TMEM178B: variants seen among roughly 807,000 people sequenced by gnomAD.
TMEM178B encodes the protein transmembrane protein 178B.
Under a neutral mutation model 31.0 loss-of-function variants are expected in TMEM178B, and 5 were observed. The observed-to-expected ratio is 0.16, with a 90% confidence interval of 0.08 to 0.34. The LOEUF is 0.34. TMEM178B is among the 10% of genes least tolerant of loss of function. The pLI, the probability that TMEM178B is intolerant of heterozygous loss-of-function variation, is 1.00. For synonymous variants in TMEM178B, 164 were observed against 164.0 expected (o/e 1.00, Z 0.00); for missense variants, 275 against 400.3 (o/e 0.69, Z 2.67).
chr7:141,426,162 A>G (rs1461407214), intron 2 of TMEM178B, among the ~76,000 whole-genome samples: 2 of 152,192 alleles, frequency 1.3e-5, no homozygotes, highest in Non-Finnish European at 2.9e-5. Context: ...TATTTAAGTC[A>G]CTGAAGTGGA....
At chr7:141,367,483 C>A (rs1041702726) in intron 2 of TMEM178B, among the ~76,000 whole-genome samples, 2 of 152,082 alleles carry the variant, frequency 1.3e-5, no homozygotes, top group Non-Finnish European at 2.9e-5. Context: ...CCCTGTTAGC[C>A]AGGCTGGTCT....
intron 1 of TMEM178B, among the ~76,000 whole-genome samples, chr7:141,160,466 C>G (rs1796151314): frequency 6.6e-6 from 1 of 152,152 alleles, no homozygotes; most frequent in African/African-American, 2.4e-5. Context: ...CCCCTCCTTC[C>G]CTCTGCCACA....
intron 2 of TMEM178B, among the ~76,000 whole-genome samples, chr7:141,414,050 A>G (rs918788785): frequency 6.7e-6 from 1 of 150,284 alleles, no homozygotes; most frequent in African/African-American, 2.4e-5. Context: ...TTTTTCCAAC[A>G]TTACTTAATT....
intron 2 of TMEM178B, among the ~76,000 whole-genome samples, chr7:141,340,435 A>T (rs1194470367): frequency 6.6e-6 from 1 of 152,152 alleles, no homozygotes; most frequent in African/African-American, 2.4e-5. Flanking sequence ...TAATCTATAA[A>T]TCTTGTTATT....
intron 1 of TMEM178B, among the ~76,000 whole-genome samples, chr7:141,127,928 G>A (rs975482382): frequency 6.6e-6 from 1 of 152,092 alleles, no homozygotes; most frequent in South Asian, 2.1e-4. Context: ...AGATTCTGTT[G>A]GCTGTGGGAT....
chr7:141,163,674 C>G (rs1358118692), intron 1 of TMEM178B, among the ~76,000 whole-genome samples: 2 of 151,950 alleles, frequency 1.3e-5, no homozygotes, highest in Admixed American at 1.3e-4. Flanking sequence ...GCCATCAAGC[C>G]TGGCTAATTT....
chr7:141,329,681 A>G (rs760716592), intron 2 of TMEM178B, among the ~76,000 whole-genome samples: 3 of 152,236 alleles, frequency 2.0e-5, no homozygotes, highest in Non-Finnish European at 4.4e-5. Context: ...TGTTGGGGGA[A>G]GAAAATCAAC....
intron 2 of TMEM178B, among the ~76,000 whole-genome samples, chr7:141,362,832 T>G (rs1035942265): frequency 6.6e-6 from 1 of 152,198 alleles, no homozygotes; most frequent in Non-Finnish European, 1.5e-5. Flanking sequence ...CCACCCGGGC[T>G]GTAGCCATTT....
intron 1 of TMEM178B, among the ~76,000 whole-genome samples, chr7:141,207,979 TAA>T (rs1327524480): frequency 6.6e-6 from 1 of 151,908 alleles, no homozygotes; most frequent in East Asian, 1.9e-4. Context: ...CGCTTGAGCC[TAA>T]GAGTTTGAGA....
chr7:141,353,198 CT>C (rs1288337317), intron 2 of TMEM178B, among the ~76,000 whole-genome samples: 1 of 152,208 alleles, frequency 6.6e-6, no homozygotes, highest in Non-Finnish European at 1.5e-5. Context: ...AACATATCGG[CT>C]GAGTTCGCAT....
intron 2 of TMEM178B, among the ~76,000 whole-genome samples, chr7:141,225,087 C>T (rs1797319455): frequency 6.6e-6 from 1 of 152,184 alleles, no homozygotes; most frequent in South Asian, 2.1e-4. Context: ...ATCAAGGTTG[C>T]CAGTGATGGA....
At chr7:141,198,612 C>A (rs906606668) in intron 1 of TMEM178B, among the ~76,000 whole-genome samples, 1 of 152,176 alleles carries the variant, frequency 6.6e-6, no homozygotes, top group African/African-American at 2.4e-5. Context: ...GCCAGACTGG[C>A]CTCCTTCCCC....
At chr7:141,239,359 G>A (rs530693618) in intron 2 of TMEM178B, among the ~76,000 whole-genome samples, 4 of 152,262 alleles carry the variant, frequency 2.6e-5, no homozygotes, top group South Asian at 2.1e-4. Context: ...GCCACTGAGC[G>A]GCAATGGAGT....
At chr7:141,169,074 A>G (rs1434781126) in intron 1 of TMEM178B, among the ~76,000 whole-genome samples, 2 of 152,218 alleles carry the variant, frequency 1.3e-5, no homozygotes, top group Non-Finnish European at 2.9e-5. Flanking sequence ...TTTTAAGTTC[A>G]GGGGTACATG....
At chr7:141,465,223 T>A (rs1466560096) in intron 3 of TMEM178B, among the ~76,000 whole-genome samples, 5 of 152,176 alleles carry the variant, frequency 3.3e-5, no homozygotes, top group Admixed American at 6.5e-5. Context: ...TCTGCATCAG[T>A]AGCTCTCCCC....
chr7:141,158,716 T>G (rs2129181346), intron 1 of TMEM178B, among the ~76,000 whole-genome samples: 1 of 152,168 alleles, frequency 6.6e-6, no homozygotes, highest in Non-Finnish European at 1.5e-5. Context: ...AGCACTGGGA[T>G]CTGCTGACAA....
intron 1 of TMEM178B, among the ~76,000 whole-genome samples, chr7:141,154,026 G>T (rs1311894160): frequency 4.6e-5 from 7 of 152,126 alleles, no homozygotes; most frequent in African/African-American, 1.4e-4. Context: ...ATTCAGTGCT[G>T]TTCTGTACCT....
intron 2 of TMEM178B, among the ~76,000 whole-genome samples, chr7:141,433,909 C>T (rs1801484923): frequency 6.6e-6 from 1 of 152,276 alleles, no homozygotes; most frequent in East Asian, 1.9e-4. Flanking sequence ...CAGGCCTGGC[C>T]TCTGATTTTC....
chr7:141,094,243 G>C (rs1303345724), intron 1 of TMEM178B, among the ~76,000 whole-genome samples: 1 of 152,108 alleles, frequency 6.6e-6, no homozygotes, highest in African/African-American at 2.4e-5. Context: ...GAGGCAGGAA[G>C]AAAAAATTGG....
Sources: gnomAD v4.1 joint callset for allele counts (sites outside exome capture counted in the v4.1 genomes callset) on GRCh38, gnomAD v4.1.1 for gene constraint, MANE v1.5 for transcripts, NCBI Gene and HGNC (gene_info 2026-07-23, HGNC 2026-07-21) for gene names.